NIBAN2: variants seen among roughly 807,000 people sequenced by gnomAD.
The protein encoded by NIBAN2 is niban apoptosis regulator 2, also known as protein Niban 2.
A neutral mutation model predicts 81.8 loss-of-function variants in NIBAN2; 36 were observed. That is an observed-to-expected ratio of 0.44 (90% CI 0.34 to 0.58). The LOEUF (loss-of-function observed/expected upper bound fraction) is 0.58. Among genes scored for constraint, NIBAN2 ranks in the 20% least tolerant of loss-of-function variants. The pLI is 0.02. For synonymous variants in NIBAN2, 445 were observed against 441.6 expected (o/e 1.01, Z -0.10); for missense variants, 897 against 1,014.1 (o/e 0.88, Z 1.57).
rs1564301304 is a variant in NIBAN2, at chr9:127,523,189, AAAAATATATATATATATATATATAT to A, written c.589+465_589+489del. On this transcript the variant is annotated intron_variant, in intron 5 of 13. Coordinates refer to ENST00000373312, the MANE Select transcript of NIBAN2 (RefSeq NM_022833.4). ...GGTTTTAAAAAAAAAAAAAAAAAAA[AAAAATATATATATATATATATATAT>A]ATATATATATATATATATATATATA... is the stretch of plus-strand genomic sequence containing the variant. Among the ~76,000 whole-genome samples, 70 of 23,154 alleles carry A rather than the reference AAAAATATATATATATATATATATAT, an allele frequency of 3.0e-3. 7 individuals are homozygous for A. Among genetic ancestry groups the A allele is most frequent in the South Asian group, 5.8e-3 (3 of 520 alleles). 15.2% of individuals were successfully genotyped at this position (23,154 alleles called of 152,430 possible). A position where few individuals can be genotyped will look rare whatever the true frequency, so the allele number is the denominator to read the frequency against.
At chr9:127,520,826 G>T (rs1256659144) in intron 5 of NIBAN2, among the ~76,000 whole-genome samples, 1 of 152,164 alleles carries the variant, frequency 6.6e-6, no homozygotes, top group Non-Finnish European at 1.5e-5. Flanking sequence ...GGAGGTTGCA[G>T]TGAGCCGAGA....
At chr9:127,562,014 C>T (rs1003997888) in intron 1 of NIBAN2, among the ~76,000 whole-genome samples, 3 of 152,084 alleles carry the variant, frequency 2.0e-5, no homozygotes, top group African/African-American at 7.2e-5. Flanking sequence ...TGCAGGAGCC[C>T]GGGGTGCAGT....
At chr9:127,534,137 CCTCT>C (rs1458923456) in intron 1 of NIBAN2, among the ~76,000 whole-genome samples, 4 of 152,210 alleles carry the variant, frequency 2.6e-5, no homozygotes, top group African/African-American at 7.2e-5. Context: ...GTGCGGCTCC[CCTCT>C]CTGAGCCTCG....
At chr9:127,547,252 C>T (rs1159418719) in intron 1 of NIBAN2, among the ~76,000 whole-genome samples, 1 of 152,168 alleles carries the variant, frequency 6.6e-6, no homozygotes, top group African/African-American at 2.4e-5. Flanking sequence ...GCAACCTGGC[C>T]AGGTGCGGTG....
Position 127,536,272 on chromosome 9 carries a change from G to T in NIBAN2, c.56-4494C>A, listed in dbSNP as rs1200252730. Among the ~76,000 whole-genome samples the T allele has an allele frequency of 6.6e-6, 1 of 152,166 alleles. No homozygotes were observed. Among genetic ancestry groups the T allele is most frequent in the African/African-American group, 2.4e-5 (1 of 41,432 alleles). Reference sequence around the variant, plus strand: ...CAAAAGGCCAGCAGCATTGGGAGGGGGCCAGCCTGGACAAAGGGCTTGCAG... The same window carrying T: ...CAAAAGGCCAGCAGCATTGGGAGGGTGCCAGCCTGGACAAAGGGCTTGCAG... On this transcript the variant is annotated intron_variant, in intron 1 of 13. Coordinates refer to ENST00000373312, the MANE Select transcript of NIBAN2 (RefSeq NM_022833.4). This position sits in a 1 kb window ranked among gnomAD's most constrained non-coding sequence, Gnocchi z 4.0.
At chr9:127,534,224 A>T (rs1837234224) in intron 1 of NIBAN2, among the ~76,000 whole-genome samples, 1 of 152,214 alleles carries the variant, frequency 6.6e-6, no homozygotes, top group Non-Finnish European at 1.5e-5. Context: ...CTTGGATTCC[A>T]GGTTTCAAAG....
intron 1 of NIBAN2, among the ~76,000 whole-genome samples, chr9:127,550,259 T>G (rs2132220405): frequency 6.6e-6 from 1 of 152,264 alleles, no homozygotes; most frequent in African/African-American, 2.4e-5. Context: ...GCCCTCCACC[T>G]GGGACATGAG....
At chr9:127,514,923 G>GGAGGCT (rs1836796877) in intron 8 of NIBAN2, among the ~76,000 whole-genome samples, 2 of 152,300 alleles carry the variant, frequency 1.3e-5, no homozygotes, top group Admixed American at 1.3e-4. Flanking sequence ...CAGTGCTTTG[G>GGAGGCT]GAGGCTGAGG....
chr9:127,527,308 C>T lies in NIBAN2; in HGVS notation c.201G>A (p.Glu67=). Residue 67 remains glutamate, a synonymous_variant, in exon 3 of 14, where the codon GAG becomes GAA. Coordinates refer to ENST00000373312, the MANE Select transcript of NIBAN2 (RefSeq NM_022833.4). Reference sequence around the variant, plus strand: ...AGAGGTTCCCCGAGAAGACGATGCGCTCGTCCAGTGGCACCTGTGGGCAGG... The same window carrying T: ...AGAGGTTCCCCGAGAAGACGATGCGTTCGTCCAGTGGCACCTGTGGGCAGG... ...QLLWRKVPLD[E]RIVFSGNLFQ... 1.2e-6 allele frequency: 2 copies of T among 1,613,488 alleles called. No homozygotes were observed. Among genetic ancestry groups the T allele is most frequent in the Non-Finnish European group, 8.5e-7 (1 of 1,179,910 alleles).
At chr9:127,578,388 G>C (rs571330396) in intron 1 of NIBAN2, among the ~76,000 whole-genome samples, 1 of 143,406 alleles carries the variant, frequency 7.0e-6, no homozygotes, top group African/African-American at 2.6e-5. Flanking sequence ...GTGGCCAGGC[G>C]CCATGGCTTA....
Position 127,509,018 on chromosome 9 carries a change from G to T in NIBAN2, c.1275C>A (p.Ser425Arg). The T allele has an allele frequency of 6.2e-7, 1 of 1,613,974 alleles. No individual in the cohort carries two copies. The change falls in exon 10 of 14, where the codon AGC (serine) becomes AGA (arginine). Residue 425 changes from serine to arginine, a missense_variant. By Grantham distance (110) the Ser-to-Arg change is moderately radical (BLOSUM62 -1). Around this residue, in one of 3 missense-constraint regions of NIBAN2, gnomAD observed 619 missense variants for 691.0 expected, o/e 0.90. Coordinates refer to ENST00000373312, the MANE Select transcript of NIBAN2 (RefSeq NM_022833.4). ...GGGCTCGCTGCTTGAACACGGACGT[G>T]CTGGACACATCAAATCGCTGCTGCA... Reference protein sequence around the residue: ...DGLQQRFDVSSTSVFKQRAQI... With the variant: ...DGLQQRFDVSRTSVFKQRAQI...
chr9:127,529,886 T>G (rs1014912325), intron 2 of NIBAN2, among the ~76,000 whole-genome samples: 1 of 152,214 alleles, frequency 6.6e-6, no homozygotes, highest in Non-Finnish European at 1.5e-5. Flanking sequence ...TTTCAGGGAC[T>G]GTGGGTGAGT....
At chr9:127,529,082 G>T (rs1385380113) in intron 2 of NIBAN2, among the ~76,000 whole-genome samples, 1 of 152,230 alleles carries the variant, frequency 6.6e-6, no homozygotes, top group African/African-American at 2.4e-5. Context: ...CAATTGGAAG[G>T]CCTGCAGGAA....
intron 1 of NIBAN2, 82 bp downstream of exon 1, chr9:127,568,738 C>A (rs1473678536): frequency 3.4e-6 from 4 of 1,165,532 alleles, no homozygotes; most frequent in Non-Finnish European, 4.3e-6. Context: ...CCGGCCCCGG[C>A]GCCAACTGCT....
chr9:127,539,676 A>G (rs1008428180), intron 1 of NIBAN2, among the ~76,000 whole-genome samples: 1 of 152,158 alleles, frequency 6.6e-6, no homozygotes, highest in African/African-American at 2.4e-5. Context: ...CCCTGGCCCC[A>G]GGAACTGACC....
At chr9:127,556,203 A>G (rs1325763689) in intron 1 of NIBAN2, among the ~76,000 whole-genome samples, 3 of 152,212 alleles carry the variant, frequency 2.0e-5, no homozygotes, top group African/African-American at 7.2e-5. Flanking sequence ...GCTTCGAGGA[A>G]TACAGGCAGG....
At chr9:127,565,706 C>A (rs527886470) in intron 1 of NIBAN2, among the ~76,000 whole-genome samples, 7 of 150,790 alleles carry the variant, frequency 4.6e-5, no homozygotes, top group African/African-American at 1.7e-4. Context: ...TCACTTGAAC[C>A]CAGGAGGTGG....
intron 1 of NIBAN2, among the ~76,000 whole-genome samples, chr9:127,546,821 G>A (rs2132215238): frequency 1.3e-5 from 2 of 152,064 alleles, no homozygotes; most frequent in South Asian, 4.2e-4. Flanking sequence ...GAGGCAGATT[G>A]TCAACAAAAA....
Position 127,508,964 on chromosome 9 carries a change from C to T in NIBAN2, c.1317+12G>A, listed in dbSNP as rs201652522. 2.0e-4 allele frequency: 328 copies of T among 1,613,232 alleles called. 2 individuals are homozygous for T. The highest frequency in any genetic ancestry group is 3.6e-5 in the Non-Finnish European group (43 of 1,179,906). Reference sequence around the variant, plus strand: ...ACAGGGTGTGGGGTGGGGGTCGTAGCCTCGGGTCTACCTCCCGCATGTGGA... The same window carrying T: ...ACAGGGTGTGGGGTGGGGGTCGTAGTCTCGGGTCTACCTCCCGCATGTGGA... On this transcript the variant is annotated intron_variant, in intron 10 of 13. Coordinates refer to ENST00000373312, the MANE Select transcript of NIBAN2 (RefSeq NM_022833.4). The surrounding 1 kb of genome is among the most constrained non-coding windows in gnomAD (Gnocchi z 6.4).
Sources: gnomAD v4.1 joint callset for allele counts (sites outside exome capture counted in the v4.1 genomes callset) on GRCh38, gnomAD v4.1.1 for gene constraint, gnomAD v4.1.1 regional missense constraint, Gnocchi (gnomAD v3.1) non-coding constraint, MANE v1.5 for transcripts, NCBI Gene and HGNC (gene_info 2026-07-23, HGNC 2026-07-21) for gene names.